Variants in GDAP1 observed in about 807,000 individuals in gnomAD.
GDAP1 encodes ganglioside induced differentiation associated protein 1, also known as ganglioside-induced differentiation-associated protein 1.
A neutral mutation model predicts 40.1 loss-of-function variants in GDAP1; 34 were observed. The observed-to-expected ratio is 0.85, with a 90% CI of 0.64 to 1.13. GDAP1 has a LOEUF of 1.13. GDAP1 is among the 50% of genes most tolerant of loss of function. The probability of loss-of-function intolerance (pLI) is 0.00; values close to 1 mark genes in which losing one functional copy is unlikely to be tolerated. For synonymous variants in GDAP1, 170 were observed against 157.4 expected (o/e 1.08, Z -0.60); for missense variants, 374 against 433.7 (o/e 0.86, Z 1.22).
At chr8:74,432,130 A>T (rs750944422) in intron 2 of GDAP1, among the ~76,000 whole-genome samples, 2 of 152,154 alleles carry the variant, frequency 1.3e-5, no homozygotes, top group Non-Finnish European at 2.9e-5. Flanking sequence ...ATGAGCTACG[A>T]GAATAAGTTG....
chr8:74,488,607 T>A (rs1432108048), intron 2 of GDAP1: 1 of 152,198 alleles, frequency 6.6e-6, no homozygotes, highest in African/African-American at 2.4e-5. Context: ...ACAAACTATA[T>A]AATTAAATGC....
intron 2 of GDAP1, among the ~76,000 whole-genome samples, chr8:74,402,646 C>T (rs1022415112): frequency 5.3e-5 from 8 of 150,342 alleles, no homozygotes; most frequent in Admixed American, 3.3e-4. Context: ...TCTTCTGTGT[C>T]GCTCATGCTG....
chr8:74,388,899 C>G (rs1198606468), intron 2 of GDAP1, among the ~76,000 whole-genome samples: 1 of 152,156 alleles, frequency 6.6e-6, no homozygotes, highest in South Asian at 2.1e-4. Context: ...ATATTTAGCT[C>G]TTCTTGTTGC....
intron 2 of GDAP1, among the ~76,000 whole-genome samples, chr8:74,482,525 T>TA (rs1223375731): frequency 2.0e-5 from 3 of 152,014 alleles, no homozygotes; most frequent in Non-Finnish European, 2.9e-5. Context: ...CAAAAATGGT[T>TA]AAAAAATGAA....
chr8:74,443,115 G>A (rs1158444391), intron 2 of GDAP1, among the ~76,000 whole-genome samples: 1 of 152,154 alleles, frequency 6.6e-6, no homozygotes, highest in Non-Finnish European at 1.5e-5. Flanking sequence ...TGGACTGAAG[G>A]ATGAGGAAGA....
chr8:74,421,357 T>C (rs1196610964), intron 2 of GDAP1, among the ~76,000 whole-genome samples: 3 of 152,064 alleles, frequency 2.0e-5, no homozygotes, highest in Non-Finnish European at 4.4e-5. Context: ...TTACATGTGC[T>C]TTTTTTCTGA....
intron 2 of GDAP1, among the ~76,000 whole-genome samples, chr8:74,388,046 G>A (rs185045258): frequency 6.6e-6 from 1 of 152,032 alleles, no homozygotes; most frequent in Admixed American, 6.6e-5. Context: ...TTTATTGTGT[G>A]TATTTGATTC....
intron 2 of GDAP1, among the ~76,000 whole-genome samples, chr8:74,432,868 A>T (rs534558830): frequency 2.6e-4 from 40 of 152,284 alleles, no homozygotes; most frequent in African/African-American, 9.6e-4. Context: ...GTGATATTAA[A>T]TTTTTTATGA....
chr8:74,352,688 A>G lies in GDAP1; in HGVS notation c.310+1222A>G, dbSNP rs183282151. Reference sequence around the variant, plus strand: ...GCATTTAATGATGTACTTTCTTTTCATCTTTATTTGCTATTCCTTATAAAT... The same window carrying G: ...GCATTTAATGATGTACTTTCTTTTCGTCTTTATTTGCTATTCCTTATAAAT... On this transcript the variant is annotated intron_variant, in intron 2 of 5. Coordinates refer to ENST00000220822, the MANE Select transcript of GDAP1 (RefSeq NM_018972.4). Among the ~76,000 whole-genome samples, 21 of 152,298 alleles carry G rather than the reference A, an allele frequency of 1.4e-4. 1 individual carries two copies. The highest frequency in any genetic ancestry group is 6.5e-4 in the Admixed American group (10 of 15,308).
chr8:74,449,122 A>T (rs1014323786), intron 2 of GDAP1, among the ~76,000 whole-genome samples: 3 of 151,916 alleles, frequency 2.0e-5, no homozygotes, highest in Non-Finnish European at 4.4e-5. Context: ...CCCAGTGAAT[A>T]ATCTTAACAT....
At chr8:74,421,115 A>G (rs1194739289) in intron 2 of GDAP1, among the ~76,000 whole-genome samples, 3 of 152,142 alleles carry the variant, frequency 2.0e-5, no homozygotes, top group African/African-American at 4.8e-5. Flanking sequence ...TTGCTTTTCT[A>G]TTGGGTGAAG....
chr8:74,407,780 G>A (rs1426906955), intron 2 of GDAP1, among the ~76,000 whole-genome samples: 2 of 149,950 alleles, frequency 1.3e-5, no homozygotes, highest in East Asian at 3.9e-4. Context: ...TAGTTTTGAG[G>A]ACAAGTCCTC....
chr8:74,350,527 G>T lies in GDAP1; in HGVS notation c.66G>T (p.Ala22=). Residue 22 remains alanine (A), a synonymous_variant, in exon 1 of 6, where the codon GCG becomes GCT. Transcript: ENST00000220822. ...TGAGGGCGGAAGGCAAGGCCGACGC[G>T]GAGGTTAAGCTCATTCTGTACCATT... ...PPLRAEGKAD[A]EVKLILYHWT... is the part of the protein sequence containing the mutation. The T allele has an allele frequency of 6.2e-7, 1 of 1,613,518 alleles. No individual in the cohort carries two copies. Among genetic ancestry groups the T allele is most frequent in the Non-Finnish European group, 8.5e-7 (1 of 1,179,434 alleles).
chr8:74,361,079 CT>C (rs1478796255), intron 3 of GDAP1, among the ~76,000 whole-genome samples: 1 of 151,986 alleles, frequency 6.6e-6, no homozygotes, highest in Non-Finnish European at 1.5e-5. Flanking sequence ...CATCTCTTCC[CT>C]TTTCTCCCTT....
intron 2 of GDAP1, among the ~76,000 whole-genome samples, chr8:74,456,178 T>C (rs1257662507): frequency 6.6e-6 from 1 of 151,920 alleles, no homozygotes; most frequent in African/African-American, 2.4e-5. Context: ...TATTGCAAAA[T>C]ACAGGCACAC....
chr8:74,423,677 A>C (rs1267001823), intron 2 of GDAP1, among the ~76,000 whole-genome samples: 26 of 152,014 alleles, frequency 1.7e-4, no homozygotes, highest in Admixed American at 1.7e-3. Flanking sequence ...TATTGTCTAG[A>C]GCAGTATGCT....
intron 2 of GDAP1, among the ~76,000 whole-genome samples, chr8:74,486,590 A>G (rs1458040465): frequency 6.6e-6 from 1 of 152,208 alleles, no homozygotes; most frequent in Admixed American, 6.5e-5. Context: ...AAGAGAACGT[A>G]CTGTTCTTCT....
At chr8:74,431,447 T>C (rs1374255175) in intron 2 of GDAP1, among the ~76,000 whole-genome samples, 1 of 151,970 alleles carries the variant, frequency 6.6e-6, no homozygotes, top group Non-Finnish European at 1.5e-5. Flanking sequence ...GTTTGACTAA[T>C]GTGAACATGT....
At chr8:74,479,145 C>T (rs1806674499) in intron 2 of GDAP1, among the ~76,000 whole-genome samples, 1 of 152,196 alleles carries the variant, frequency 6.6e-6, no homozygotes. Flanking sequence ...GTTTTAGCTG[C>T]ACTTTACAGA....
Sources: allele counts gnomAD v4.1 joint callset (sites outside exome capture counted in the v4.1 genomes callset), GRCh38; gene constraint gnomAD v4.1.1; transcripts MANE v1.5; gene names NCBI Gene and HGNC (gene_info 2026-07-23, HGNC 2026-07-21).